The following DSE variants were observed in gnomAD, a reference collection of about 807,000 sequenced individuals.
DSE encodes dermatan sulfate epimerase, also known as dermatan-sulfate epimerase.
A neutral mutation model predicts 84.4 loss-of-function variants in DSE; 36 were observed. That is an observed-to-expected ratio of 0.43 (90% CI 0.33 to 0.56). The LOEUF is 0.56. Among genes scored for constraint, DSE ranks in the 20% least tolerant of loss-of-function variants. The pLI is 0.06. For missense variants in DSE, 862 were observed against 1,169.6 expected (o/e 0.74, Z 3.84); for synonymous variants, 410 against 430.1 (o/e 0.95, Z 0.58).
Position 116,437,673 on chromosome 6 carries a change from G to A in DSE, c.*328G>A. On this transcript the variant is annotated 3_prime_UTR_variant, in exon 6 of 6. Transcript: ENST00000644252. ...TTTTTTCTTATGAGAAAAAGGTTTA[G>A]ATAGAATTGGGTTTTATTAATATTA... 1 of 180,928 alleles carries A rather than the reference G, an allele frequency of 5.5e-6. No homozygotes were observed. The highest frequency in any genetic ancestry group is 1.7e-4 in the South Asian group (1 of 5,794). 11.2% of individuals were successfully genotyped at this position (180,928 alleles called of 1,614,324 possible). A position where few individuals can be genotyped will look rare whatever the true frequency, so the allele number is the denominator to read the frequency against.
At chr6:116,427,041 A>G (rs1271927085) in intron 3 of DSE, among the ~76,000 whole-genome samples, 10 of 152,182 alleles carry the variant, frequency 6.6e-5, no homozygotes. Flanking sequence ...CATGTTATCT[A>G]ATTATGGCTT....
At chr6:116,433,020 C>A in intron 4 of DSE, 3 of 295,038 alleles carry the variant, frequency 1.0e-5, no homozygotes, top group Non-Finnish European at 1.3e-5. Context: ...AGAGGATGTC[C>A]CATGTATATA....
chr6:116,403,110 C>T (rs1166838147), intron 2 of DSE, among the ~76,000 whole-genome samples: 1 of 152,102 alleles, frequency 6.6e-6, no homozygotes, highest in Non-Finnish European at 1.5e-5. Context: ...TTGTGTGTGT[C>T]TCTGAGTATC....
intron 2 of DSE, among the ~76,000 whole-genome samples, chr6:116,263,325 A>AACTGAATACTGTTTTTTTATTGT (rs1328312085): frequency 2.7e-5 from 4 of 150,564 alleles, no homozygotes; most frequent in Non-Finnish European, 5.9e-5. Context: ...CTTCTTATTG[A>AACTGAATACTGTTTTTTTATTGT]ACTGAATACT....
intron 2 of DSE, among the ~76,000 whole-genome samples, chr6:116,405,980 G>A (rs1195236842): frequency 2.0e-5 from 3 of 152,184 alleles, no homozygotes; most frequent in Non-Finnish European, 4.4e-5. Flanking sequence ...TGCAGGTGAA[G>A]ATAAAGTTAC....
Position 116,399,700 on chromosome 6 carries a change from ACT to A in DSE, c.416+37_416+38del, listed in dbSNP as rs1162989108. On this transcript the variant is annotated intron_variant, in intron 2 of 5. Coordinates refer to ENST00000644252, the MANE Select transcript of DSE (RefSeq NM_013352.4). ...TTGTCTTGTTCTTCTTACTGTGGTA[ACT>A]CTGCATTAGAAAGAAACAAATCCAT... The A allele has an allele frequency of 1.9e-6, 3 of 1,582,962 alleles. 1 individual carries two copies. In the South Asian group the frequency reaches 3.4e-5, roughly 18 times the overall value.
intron 3 of DSE, 120 bp downstream of exon 3, chr6:116,426,947 C>A: frequency 1.5e-6 from 2 of 1,342,538 alleles, no homozygotes; most frequent in South Asian, 1.5e-5. Context: ...CCTAACTAAA[C>A]CCATGAAATG....
intron 2 of DSE, among the ~76,000 whole-genome samples, chr6:116,346,942 A>G (rs570664734): frequency 3.3e-5 from 5 of 152,144 alleles, no homozygotes; most frequent in Admixed American, 6.5e-5. Flanking sequence ...CAAAATCAAT[A>G]TGCAAAAATC....
chr6:116,427,761 C>G (rs113635267), intron 3 of DSE, among the ~76,000 whole-genome samples: 3,469 of 152,340 alleles, frequency 0.023, 55 homozygotes, highest in Non-Finnish European at 0.033. Flanking sequence ...AAAGTTCAAT[C>G]TCTTTCTGCT....
rs1784442893 is a variant in DSE, at chr6:116,441,968, C to G, written c.*4623C>G. ...TAATAACAGTAATAGTGCAGGATGT[C>G]AAGTAGTGGTAAGTACTGTGGAGAA... On this transcript the variant is annotated 3_prime_UTR_variant, in exon 6 of 6. Coordinates refer to ENST00000644252, the MANE Select transcript of DSE (RefSeq NM_013352.4). The G allele has an allele frequency of 6.6e-6, 1 of 152,104 alleles. No homozygotes were observed. The allele number at this position is 152,104 out of a possible 1,614,324, so 9.4% of individuals were successfully genotyped here.
chr6:116,334,972 T>G (rs1327085831), intron 2 of DSE, among the ~76,000 whole-genome samples: 1 of 152,226 alleles, frequency 6.6e-6, no homozygotes, highest in East Asian at 1.9e-4. Flanking sequence ...GAAGACAGTG[T>G]GGCAATTCCT....
At chr6:116,403,974 G>C (rs1441188065) in intron 2 of DSE, among the ~76,000 whole-genome samples, 1 of 152,204 alleles carries the variant, frequency 6.6e-6, no homozygotes, top group African/African-American at 2.4e-5. Flanking sequence ...ATCAGGGAGG[G>C]AGTGGGGGTG....
chr6:116,371,025 GC>G lies in DSE; in HGVS notation c.-148del. ...GCGCGGAGGGCTCGGTTCGGAGGGG[GC>G]CGGGAGCCCGGGCGCCCTGGAGTGA... On this transcript the variant is annotated 5_prime_UTR_variant, in exon 1 of 6. An upstream open reading frame in the 5' UTR loses its in-frame stop. Coordinates refer to ENST00000644252, the MANE Select transcript of DSE (RefSeq NM_013352.4). 1.0e-6 allele frequency: 1 copy of G among 985,778 alleles called. No individual in the cohort carries two copies. 61.1% of individuals were successfully genotyped at this position (985,778 alleles called of 1,614,324 possible). A position where few individuals can be genotyped will look rare whatever the true frequency, so the allele number is the denominator to read the frequency against.
intron 2 of DSE, among the ~76,000 whole-genome samples, chr6:116,328,981 G>T (rs901127168): frequency 6.6e-6 from 1 of 152,104 alleles, no homozygotes; most frequent in Non-Finnish European, 1.5e-5. Flanking sequence ...TGGCAGTTCC[G>T]CTTACTATGC....
intron 2 of DSE, among the ~76,000 whole-genome samples, chr6:116,339,329 T>A (rs947226080): frequency 2.7e-5 from 4 of 150,842 alleles, no homozygotes; most frequent in African/African-American, 9.7e-5. Flanking sequence ...TTTTTTTTAA[T>A]CTCATGGTTT....
intron 1 of DSE, among the ~76,000 whole-genome samples, chr6:116,387,839 T>C (rs1171318441): frequency 6.6e-6 from 1 of 152,124 alleles, no homozygotes; most frequent in Non-Finnish European, 1.5e-5. Context: ...ACAGAGGTAT[T>C]AAGAGAAGCA....
At chr6:116,304,154 A>G (rs1293415540) in intron 2 of DSE, among the ~76,000 whole-genome samples, 2 of 151,948 alleles carry the variant, frequency 1.3e-5, no homozygotes, top group Non-Finnish European at 2.9e-5. Context: ...AAAAAACAGA[A>G]ACAGTGGGTC....
intron 2 of DSE, among the ~76,000 whole-genome samples, chr6:116,363,336 TGA>T (rs1779004897): frequency 6.6e-6 from 1 of 151,552 alleles, no homozygotes; most frequent in African/African-American, 2.4e-5. Context: ...GATCAGAAAG[TGA>T]GATTTTAAAA....
chr6:116,430,895 T>G lies in DSE; in HGVS notation c.671-59T>G. ...ACTCAGAGGGTTTTATTGGCCATAT[T>G]TTTGTTTATGCTTTGTCACAGGCTT... On this transcript the variant is annotated intron_variant, in intron 3 of 5. Transcript: ENST00000644252. The G allele has an allele frequency of 3.8e-6, 6 of 1,587,910 alleles. No homozygotes were observed. In the South Asian group the frequency reaches 6.8e-5, roughly 18 times the overall value.
Sources: gnomAD v4.1 joint callset for allele counts (sites outside exome capture counted in the v4.1 genomes callset) on GRCh38, gnomAD v4.1.1 for gene constraint, MANE v1.5 for transcripts, NCBI Gene and HGNC (gene_info 2026-07-23, HGNC 2026-07-21) for gene names.